RRP12: variants seen among roughly 807,000 people sequenced by gnomAD.
RRP12 encodes RRP12-like protein.
RRP12 carries 78 observed loss-of-function variants against 157.3 expected under a neutral mutation model. The ratio of observed to expected loss-of-function variants is 0.50; its 90% CI spans 0.41 to 0.60. The LOEUF (loss-of-function observed/expected upper bound fraction) is 0.60, where lower values mean the gene tolerates loss of function less well. Ranked by LOEUF, RRP12 falls within the 20% of genes least tolerant of loss-of-function variation. RRP12 has a pLI of 0.00. For missense variants in RRP12, 1,521 were observed against 1,679.9 expected (o/e 0.91, Z 1.65); for synonymous variants, 726 against 670.9 (o/e 1.08, Z -1.27).
chr10:97,383,078 A>G (rs2133072180), intron 10 of RRP12, among the ~76,000 whole-genome samples: 1 of 152,216 alleles, frequency 6.6e-6, no homozygotes, highest in Non-Finnish European at 1.5e-5. Flanking sequence ...GATTGTTTCT[A>G]ATGGCTGCAC....
chr10:97,366,934 T>C (rs1157102042), intron 26 of RRP12, 25 bp from the exon 27 acceptor site: 5 of 1,610,436 alleles, frequency 3.1e-6, no homozygotes, highest in African/African-American at 1.3e-5. Context: ...GAAGGGCTGG[T>C]GAGAGGCACT....
intron 8 of RRP12, among the ~76,000 whole-genome samples, chr10:97,387,791 A>C (rs1218707653): frequency 6.6e-6 from 1 of 151,780 alleles, no homozygotes; most frequent in African/African-American, 2.4e-5. Context: ...AAATACAAAA[A>C]ATTAGCTGGG....
intron 13 of RRP12, 73 bp downstream of exon 13, chr10:97,380,726 C>G (rs1047276778): frequency 9.4e-7 from 1 of 1,065,232 alleles, no homozygotes. Flanking sequence ...AACAGAGACA[C>G]GTGCCCTCCA....
chr10:97,368,685 A>G (rs1285460034), intron 25 of RRP12, among the ~76,000 whole-genome samples: 1 of 152,176 alleles, frequency 6.6e-6, no homozygotes, highest in East Asian at 1.9e-4. Flanking sequence ...GAATAACTCC[A>G]TGATGGATCA....
chr10:97,380,692 G>T (rs1844441228), intron 13 of RRP12, 107 bp downstream of exon 13: 4 of 768,762 alleles, frequency 5.2e-6, no homozygotes, highest in Non-Finnish European at 9.0e-6. Context: ...TGTCAGGGTG[G>T]GGTGCGGAGC....
At chr10:97,384,176 A>G (rs1013935718) in intron 10 of RRP12, among the ~76,000 whole-genome samples, 1 of 144,138 alleles carries the variant, frequency 6.9e-6, no homozygotes, top group Non-Finnish European at 1.5e-5. Context: ...AGAGGCCCTG[A>G]GCATCCCCAA....
At chr10:97,365,054 C>G (rs1475773) in intron 29 of RRP12, among the ~76,000 whole-genome samples, 1 of 152,004 alleles carries the variant, frequency 6.6e-6, no homozygotes, top group Non-Finnish European at 1.5e-5. Flanking sequence ...CATTCCAACC[C>G]GGAAAAGTGG....
chr10:97,384,369 C>T (rs571255380), intron 10 of RRP12, among the ~76,000 whole-genome samples: 3 of 135,276 alleles, frequency 2.2e-5, no homozygotes, highest in Admixed American at 7.4e-5. Flanking sequence ...GAGGACCCCC[C>T]ACCTTGGCAG....
chr10:97,395,115 C>T (rs900888456), intron 3 of RRP12, among the ~76,000 whole-genome samples: 2 of 151,878 alleles, frequency 1.3e-5, no homozygotes, highest in African/African-American at 2.4e-5. Context: ...TGCACTCCAG[C>T]CTGGGCAACA....
At chr10:97,391,998 T>G (rs1209853823) in intron 4 of RRP12, among the ~76,000 whole-genome samples, 1 of 47,458 alleles carries the variant, frequency 2.1e-5, no homozygotes, top group Non-Finnish European at 6.2e-5. Flanking sequence ...ATTCATGTTG[T>G]GGGTTTTTTT....
At chr10:97,394,945 C>T (rs1010406085) in intron 3 of RRP12, among the ~76,000 whole-genome samples, 4 of 151,110 alleles carry the variant, frequency 2.6e-5, no homozygotes, top group Admixed American at 6.6e-5. Flanking sequence ...GAGCTCAAGA[C>T]AAGCTTGGGC....
intron 6 of RRP12, among the ~76,000 whole-genome samples, chr10:97,388,979 C>T (rs1403823016): frequency 6.6e-6 from 1 of 152,218 alleles, no homozygotes; most frequent in African/African-American, 2.4e-5. Flanking sequence ...GTTCTAGGTC[C>T]TGGCAAACTG....
chr10:97,383,058 G>C (rs1259360387), intron 10 of RRP12, among the ~76,000 whole-genome samples: 1 of 152,184 alleles, frequency 6.6e-6, no homozygotes, highest in East Asian at 1.9e-4. Context: ...CACTGTGCCA[G>C]GCCCACTTTG....
intron 4 of RRP12, 30 bp downstream of exon 4, chr10:97,393,654 C>G: frequency 1.3e-6 from 2 of 1,589,954 alleles, no homozygotes; most frequent in Non-Finnish European, 1.7e-6. Context: ...CACAAAAAGC[C>G]TTGGGGTTCA....
At chr10:97,401,363 G>A, upstream of RRP12, 1 of 1,179,088 alleles carries the variant, frequency 8.5e-7, no homozygotes, top group East Asian at 2.4e-5. Context: ...GGATTCGTGT[G>A]CATTACTATG....
chr10:97,392,649 A>G (rs1052059161), intron 4 of RRP12, among the ~76,000 whole-genome samples: 6 of 151,196 alleles, frequency 4.0e-5, no homozygotes, highest in African/African-American at 1.5e-4. Flanking sequence ...GCGTCCAGCC[A>G]TGACTTTTAA....
At chr10:97,378,262 T>C (rs569126791) in intron 15 of RRP12, among the ~76,000 whole-genome samples, 6 of 152,252 alleles carry the variant, frequency 3.9e-5, no homozygotes, top group Admixed American at 3.9e-4. Context: ...GAAAAATGCA[T>C]CGGTAGGTGA....
chr10:97,366,848 TC>T lies in RRP12; in HGVS notation c.3108del (p.Ala1038LeufsTer11). 6.2e-7 allele frequency: 1 copy of T among 1,614,178 alleles called. No individual in the cohort carries two copies. The highest frequency in any genetic ancestry group is 8.5e-7 in the Non-Finnish European group (1 of 1,180,040). ...EEYHRVLVNI[R>X]KAEARAKRHR... ...TGCCTCTTGGCCCGGGCCTCAGCTT[TC>T]CGGATGTTGACCAGGACTCTGTGGT... On this transcript the variant is annotated frameshift_variant, in exon 27 of 34. Transcript: ENST00000370992. LOFTEE classifies it high-confidence loss of function.
intron 25 of RRP12, among the ~76,000 whole-genome samples, chr10:97,367,974 C>T (rs1450401962): frequency 2.0e-5 from 3 of 151,572 alleles, no homozygotes; most frequent in Non-Finnish European, 2.9e-5. Flanking sequence ...TCAGGCGATC[C>T]GCCCACCTTG....
Sources: gnomAD v4.1 joint callset for allele counts (sites outside exome capture counted in the v4.1 genomes callset) on GRCh38, gnomAD v4.1.1 for gene constraint, MANE v1.5 for transcripts, NCBI Gene and HGNC (gene_info 2026-07-23, HGNC 2026-07-21) for gene names.